The following DOCK1 variants were observed in gnomAD, a reference collection of about 807,000 sequenced individuals.
DOCK1 encodes the protein dedicator of cytokinesis 1.
A neutral mutation model predicts 262.7 loss-of-function variants in DOCK1; 138 were observed. The ratio of observed to expected loss-of-function variants is 0.53; its 90% CI spans 0.46 to 0.61. The LOEUF is 0.61. Among genes scored for constraint, DOCK1 ranks in the 20% least tolerant of loss-of-function variants. The pLI, the probability that DOCK1 is intolerant of heterozygous loss-of-function variation, is 0.00. For missense variants in DOCK1, 1,908 were observed against 2,370.7 expected (o/e 0.80, Z 4.05); for synonymous variants, 866 against 867.4 (o/e 1.00, Z 0.03).
intron 16 of DOCK1, among the ~76,000 whole-genome samples, chr10:127,028,096 C>T (rs948322658): frequency 1.3e-5 from 2 of 151,966 alleles, no homozygotes; most frequent in Non-Finnish European, 2.9e-5. Flanking sequence ...CTGGCAGCTG[C>T]CGAAAGCATC....
rs550423920 is a variant in DOCK1 at position 127,345,653 on chromosome 10, G to A, written c.3224+1907G>A. 1.3e-4 allele frequency among the ~76,000 whole-genome samples: 20 copies of A among 152,304 alleles called. 1 individual carries two copies. The South Asian group carries it at 3.5e-3, about 27-fold the overall frequency. On this transcript the variant is annotated intron_variant, in intron 31 of 51. Transcript: ENST00000623213. ...AATGGTGTAGGCAGAGTGGGTGCTC[G>A]CCTGTGACTACCGAAGCGGCACGCA...
chr10:126,985,005 A>G (rs1168727337), intron 4 of DOCK1, among the ~76,000 whole-genome samples: 1 of 126,840 alleles, frequency 7.9e-6, no homozygotes, highest in Non-Finnish European at 1.6e-5. Flanking sequence ...TTTTGAGACG[A>G]AGTCTTGCTC....
chr10:127,290,108 G>C (rs1436851799), intron 29 of DOCK1, among the ~76,000 whole-genome samples: 1 of 151,730 alleles, frequency 6.6e-6, no homozygotes, highest in Non-Finnish European at 1.5e-5. Flanking sequence ...TGGTGGTTCT[G>C]TTTCCGTGGA....
At chr10:126,971,423 G>A (rs900272658) in intron 2 of DOCK1, among the ~76,000 whole-genome samples, 1 of 152,016 alleles carries the variant, frequency 6.6e-6, no homozygotes, top group African/African-American at 2.4e-5. Context: ...AGTTTACTTC[G>A]TTGTTTTGAG....
At chr10:127,259,926 G>A (rs980222615) in intron 29 of DOCK1, among the ~76,000 whole-genome samples, 2 of 152,010 alleles carry the variant, frequency 1.3e-5, no homozygotes, top group Admixed American at 1.3e-4. Context: ...AGCACTGGCC[G>A]TGATGCAAAG....
At chr10:127,361,329 T>G (rs548346556) in intron 32 of DOCK1, among the ~76,000 whole-genome samples, 4 of 152,108 alleles carry the variant, frequency 2.6e-5, no homozygotes, top group Non-Finnish European at 5.9e-5. Flanking sequence ...TTAGCCAGGA[T>G]GGTCTCGATC....
intron 1 of DOCK1, among the ~76,000 whole-genome samples, chr10:126,927,538 G>A (rs1379149194): frequency 6.6e-6 from 1 of 152,082 alleles, no homozygotes; most frequent in Non-Finnish European, 1.5e-5. Flanking sequence ...CCGGGTTCAA[G>A]CGATTCTCCT....
chr10:126,938,380 C>T (rs2034701850), intron 1 of DOCK1, among the ~76,000 whole-genome samples: 1 of 152,142 alleles, frequency 6.6e-6, no homozygotes, highest in African/African-American at 2.4e-5. Context: ...AATATCCAGT[C>T]TTCAGCCATT....
intron 11 of DOCK1, 140 bp downstream of exon 11, chr10:127,008,944 G>A (rs2041226999): frequency 1.2e-6 from 1 of 843,400 alleles, no homozygotes; most frequent in Admixed American, 2.9e-5. Context: ...TTTAGTCACT[G>A]CTGTAGTACA....
chr10:127,301,442 G>A (rs2061675799), intron 29 of DOCK1, among the ~76,000 whole-genome samples: 1 of 152,166 alleles, frequency 6.6e-6, no homozygotes, highest in South Asian at 2.1e-4. Context: ...TGAGTACTGT[G>A]CTAACCGCTT....
chr10:127,445,042 T>G lies in DOCK1; in HGVS notation c.5413+763T>G, dbSNP rs545418365. Among the ~76,000 whole-genome samples, 24 of 152,052 alleles carry G rather than the reference T, an allele frequency of 1.6e-4. No homozygotes were observed. The East Asian group carries it at 3.9e-3, about 25-fold the overall frequency. On this transcript the variant is annotated intron_variant, in intron 50 of 51. Coordinates refer to ENST00000623213, the MANE Select transcript of DOCK1 (RefSeq NM_001290223.2). ...TCTCACCTTGAGATCCTTCACTAAT[T>G]ACATCTGCAAAGACCCTACATCCAA...
At chr10:127,318,784 A>C (rs544991707) in intron 29 of DOCK1, among the ~76,000 whole-genome samples, 2 of 152,364 alleles carry the variant, frequency 1.3e-5, no homozygotes, top group African/African-American at 4.8e-5. Context: ...GCAGGGGCTC[A>C]GATAGTAATC....
intron 1 of DOCK1, among the ~76,000 whole-genome samples, chr10:126,964,944 A>G (rs1463971697): frequency 6.6e-6 from 1 of 152,248 alleles, no homozygotes; most frequent in East Asian, 1.9e-4. Flanking sequence ...TTCAGACTGC[A>G]TGAGGAAGAG....
At chr10:127,214,287 G>A (rs2058108673) in intron 27 of DOCK1, among the ~76,000 whole-genome samples, 2 of 152,196 alleles carry the variant, frequency 1.3e-5, no homozygotes, top group South Asian at 4.2e-4. Context: ...AGCTGTGCAC[G>A]TCTTCTTCTT....
intron 27 of DOCK1, chr10:127,137,119 AT>A (rs2050768046): frequency 6.6e-6 from 1 of 152,660 alleles, no homozygotes; most frequent in South Asian, 2.1e-4. Flanking sequence ...TTAAAGGCAT[AT>A]CCTGACTTTG....
chr10:127,010,333 G>A (rs1325474245), intron 11 of DOCK1, among the ~76,000 whole-genome samples: 8 of 152,120 alleles, frequency 5.3e-5, no homozygotes, highest in East Asian at 3.9e-4. Context: ...CGGGTGTGGC[G>A]GCAGGTGCCT....
At chr10:127,429,038 T>TGCC (rs2134596016) in intron 47 of DOCK1, among the ~76,000 whole-genome samples, 20 of 147,190 alleles carry the variant, frequency 1.4e-4, no homozygotes, top group Non-Finnish European at 1.2e-4. Context: ...TGGATTGGGG[T>TGCC]GTCATGTGGA....
At position 126,990,444 on chromosome 10, in the gene DOCK1, TC is replaced by T; in HGVS notation, c.325-7del. ...AACAAAATCTTTCTGATTGGGTTTT[TC>T]CCCGTATAGCAAGATAACAGGGAGA... On this transcript the variant is annotated splice_polypyrimidine_tract_variant and intron_variant, in intron 5 of 51. Coordinates refer to ENST00000623213, the MANE Select transcript of DOCK1 (RefSeq NM_001290223.2). 6.3e-7 allele frequency: 1 copy of T among 1,596,788 alleles called. No homozygotes were observed. The highest frequency in any genetic ancestry group is 8.5e-7 in the Non-Finnish European group (1 of 1,170,750).
At chr10:127,010,646 C>A (rs2041358989) in intron 11 of DOCK1, among the ~76,000 whole-genome samples, 1 of 152,166 alleles carries the variant, frequency 6.6e-6, no homozygotes, top group African/African-American at 2.4e-5. Context: ...TAGTCCCATC[C>A]AGTGAGGAGA....
Sources: allele counts gnomAD v4.1 joint callset (sites outside exome capture counted in the v4.1 genomes callset), GRCh38; gene constraint gnomAD v4.1.1; transcripts MANE v1.5; gene names NCBI Gene and HGNC (gene_info 2026-07-23, HGNC 2026-07-21).